PKNOX2: variants seen among roughly 807,000 people sequenced by gnomAD.
PKNOX2 encodes PBX/knotted 1 homeobox 2, also known as homeobox protein PKNOX2.
PKNOX2 carries 14 observed loss-of-function variants against 53.1 expected under a neutral mutation model. The observed-to-expected ratio is 0.26, with a 90% CI of 0.17 to 0.41. The LOEUF (loss-of-function observed/expected upper bound fraction) is 0.41, where lower values mean the gene tolerates loss of function less well. Ranked by LOEUF, PKNOX2 falls within the 10% of genes least tolerant of loss-of-function variation. The pLI is 1.00. For synonymous variants in PKNOX2, 257 were observed against 242.8 expected (o/e 1.06, Z -0.54); for missense variants, 496 against 602.8 (o/e 0.82, Z 1.85).
At position 125,319,472 on chromosome 11, in the gene PKNOX2, A is replaced by G. The variant is rs1409432047; in HGVS notation, c.-129-12347A>G. Among the ~76,000 whole-genome samples, 3 of 152,220 alleles carry G rather than the reference A, an allele frequency of 2.0e-5. No individual in the cohort carries two copies. The South Asian group carries it at 6.2e-4, about 31-fold the overall frequency. On this transcript the variant is annotated intron_variant, in intron 2 of 12. Transcript: ENST00000298282. ...GAACCTTCAATTTGTAAAAAATGCA[A>G]TATCTGCAAAGCACACCAAAGTGAA...
intron 1 of PKNOX2, among the ~76,000 whole-genome samples, chr11:125,207,652 T>C (rs1176958601): frequency 6.6e-6 from 1 of 151,616 alleles, no homozygotes; most frequent in Non-Finnish European, 1.5e-5. Flanking sequence ...AATAAGAGAG[T>C]ATTCCTTCGC....
intron 12 of PKNOX2, among the ~76,000 whole-genome samples, chr11:125,430,668 C>T (rs187105223): frequency 3.3e-5 from 5 of 152,006 alleles, no homozygotes; most frequent in East Asian, 1.9e-4. Context: ...CGTAGGTGTG[C>T]GTGTGTGCAC....
chr11:125,275,804 T>C (rs1369426540), intron 2 of PKNOX2, among the ~76,000 whole-genome samples: 3 of 152,254 alleles, frequency 2.0e-5, no homozygotes, highest in Middle Eastern at 3.4e-3. Flanking sequence ...TTTGAGACAC[T>C]GAAGTAGAGG....
chr11:125,198,182 G>T (rs1432683689), intron 1 of PKNOX2, among the ~76,000 whole-genome samples: 6 of 152,216 alleles, frequency 3.9e-5, no homozygotes, highest in Admixed American at 3.3e-4. Flanking sequence ...GCAGCAGAGG[G>T]ATGAGTTGTG....
At chr11:125,177,422 G>A (rs1428618808) in intron 1 of PKNOX2, among the ~76,000 whole-genome samples, 1 of 152,204 alleles carries the variant, frequency 6.6e-6, no homozygotes, top group African/African-American at 2.4e-5. Flanking sequence ...CATCCTCAGA[G>A]TTAGCAAAAT....
intron 2 of PKNOX2, among the ~76,000 whole-genome samples, chr11:125,249,627 C>T (rs960342077): frequency 2.0e-5 from 3 of 152,242 alleles, no homozygotes; most frequent in East Asian, 1.9e-4. Flanking sequence ...GCAAATACAA[C>T]ACCATTTCGT....
At chr11:125,216,617 A>T (rs192053236) in intron 1 of PKNOX2, among the ~76,000 whole-genome samples, 198 of 152,282 alleles carry the variant, frequency 1.3e-3, no homozygotes, top group African/African-American at 4.4e-3. Context: ...GTCGTCTGTG[A>T]AAACTGAGAG....
At chr11:125,344,355 C>T (rs1024562325) in intron 3 of PKNOX2, among the ~76,000 whole-genome samples, 2 of 152,184 alleles carry the variant, frequency 1.3e-5, no homozygotes, top group African/African-American at 2.4e-5. Flanking sequence ...TAGGGGGAGG[C>T]CACGCTCCTT....
chr11:125,361,474 G>A (rs1258289051), intron 4 of PKNOX2, among the ~76,000 whole-genome samples: 1 of 152,070 alleles, frequency 6.6e-6, no homozygotes, highest in East Asian at 1.9e-4. Context: ...GGTAAGAGTG[G>A]GATTCAAAAC....
chr11:125,186,012 A>G (rs906730122), intron 1 of PKNOX2, among the ~76,000 whole-genome samples: 22 of 150,740 alleles, frequency 1.5e-4, no homozygotes, highest in African/African-American at 4.6e-4. Context: ...AAGAATCTCA[A>G]TTTTTTTCAC....
intron 7 of PKNOX2, among the ~76,000 whole-genome samples, chr11:125,398,984 C>T (rs1398978922): frequency 6.6e-6 from 1 of 152,216 alleles, no homozygotes; most frequent in East Asian, 1.9e-4. Context: ...AAGGCTGTGC[C>T]GTTTTTGTCC....
At chr11:125,341,806 T>C (rs1950701405) in intron 3 of PKNOX2, among the ~76,000 whole-genome samples, 1 of 152,254 alleles carries the variant, frequency 6.6e-6, no homozygotes, top group African/African-American at 2.4e-5. Flanking sequence ...GAGTATCTGC[T>C]GGGGTGCGAG....
In PKNOX2 at chr11:125,409,328, T is replaced by G. The variant is rs190421438; in HGVS notation, c.589-868T>G. Among the ~76,000 whole-genome samples the G allele has an allele frequency of 8.5e-5, 13 of 152,312 alleles. 1 individual carries two copies. Among genetic ancestry groups the G allele is most frequent in the Admixed American group, 5.2e-4 (8 of 15,306 alleles). On this transcript the variant is annotated intron_variant, in intron 7 of 12. Transcript: ENST00000298282. ...AGGAGAGCAGAGGGCCAGGAAAACA[T>G]GTCTTACCTGCCTGGGCTAACGCAA...
intron 2 of PKNOX2, among the ~76,000 whole-genome samples, chr11:125,268,186 G>A (rs536093473): frequency 7.2e-5 from 11 of 152,282 alleles, no homozygotes; most frequent in Admixed American, 4.6e-4. Flanking sequence ...GGAAAACGTC[G>A]GCCCCCAACG....
chr11:125,379,769 A>G (rs1953100035), intron 5 of PKNOX2, among the ~76,000 whole-genome samples: 1 of 152,102 alleles, frequency 6.6e-6, no homozygotes, highest in Admixed American at 6.5e-5. Flanking sequence ...CAGACCAGCA[A>G]ATTTGGGTGA....
At chr11:125,330,781 C>A (rs1307057871) in intron 2 of PKNOX2, among the ~76,000 whole-genome samples, 2 of 150,820 alleles carry the variant, frequency 1.3e-5, no homozygotes, top group Non-Finnish European at 2.9e-5. Context: ...CCACCCCTTG[C>A]AGCTCCCGGC....
Position 125,256,091 on chromosome 11 carries a change from G to T in PKNOX2, c.-130+20976G>T, listed in dbSNP as rs572828627. 4.6e-5 allele frequency among the ~76,000 whole-genome samples: 7 copies of T among 152,138 alleles called. No individual in the cohort carries two copies. The South Asian group carries it at 1.5e-3, about 32-fold the overall frequency. On this transcript the variant is annotated intron_variant, in intron 2 of 12. Transcript: ENST00000298282. Reference sequence around the variant, plus strand: ...AGGGAACTTAGCCTGCTGGGAAGACGGTGGGGATGGACTCCAGGCTGAAAC... The same window carrying T: ...AGGGAACTTAGCCTGCTGGGAAGACTGTGGGGATGGACTCCAGGCTGAAAC...
rs1186271409 is a variant in PKNOX2, at chr11:125,224,911, T to G, written c.-200-10134T>G. On this transcript the variant is annotated intron_variant, in intron 1 of 12. Coordinates refer to ENST00000298282, the MANE Select transcript of PKNOX2 (RefSeq NM_001382323.2). ...GAATAATGAATGGGAAGTGCCGTGG[T>G]GCCCTTTGGAGAGGACTGTGGCAGG... Among the ~76,000 whole-genome samples the G allele has an allele frequency of 2.0e-5, 3 of 152,240 alleles. No homozygotes were observed. In the East Asian group the frequency reaches 5.8e-4, roughly 29 times the overall value.
At chr11:125,222,078 T>C (rs1288658148) in intron 1 of PKNOX2, among the ~76,000 whole-genome samples, 1 of 152,148 alleles carries the variant, frequency 6.6e-6, no homozygotes, top group East Asian at 1.9e-4. Context: ...ACAAGGAGAA[T>C]TGGCCCTTGA....
Sources: allele counts gnomAD v4.1 joint callset (sites outside exome capture counted in the v4.1 genomes callset), GRCh38; gene constraint gnomAD v4.1.1; transcripts MANE v1.5; gene names NCBI Gene and HGNC (gene_info 2026-07-23, HGNC 2026-07-21).